AUTS2: variants seen among roughly 807,000 people sequenced by gnomAD.
AUTS2 encodes autism susceptibility gene 2 protein.
In AUTS2, 17 loss-of-function variants were observed where a neutral mutation model predicts 112.4. The ratio of observed to expected loss-of-function variants is 0.15; its 90% CI spans 0.10 to 0.23. The LOEUF (loss-of-function observed/expected upper bound fraction) is 0.23. AUTS2 is among the 10% of genes least tolerant of loss of function. AUTS2 has a pLI of 1.00. For missense variants in AUTS2, 1,510 were observed against 1,701.6 expected (o/e 0.89, Z 1.98); for synonymous variants, 751 against 702.7 (o/e 1.07, Z -1.09).
At chr7:70,752,315 T>G (rs1788918910) in intron 6 of AUTS2, among the ~76,000 whole-genome samples, 1 of 152,108 alleles carries the variant, frequency 6.6e-6, no homozygotes, top group Non-Finnish European at 1.5e-5. Flanking sequence ...AACCAATATT[T>G]GGAGTTTTCC....
intron 14 of AUTS2, among the ~76,000 whole-genome samples, chr7:70,780,893 A>G (rs906494772): frequency 2.1e-4 from 32 of 152,226 alleles, no homozygotes; most frequent in African/African-American, 6.0e-4. Context: ...TAAACAAACA[A>G]TTAATTTATA....
chr7:70,459,280 G>C (rs1038525291), intron 5 of AUTS2, among the ~76,000 whole-genome samples: 9 of 152,136 alleles, frequency 5.9e-5, no homozygotes, highest in African/African-American at 2.2e-4. Flanking sequence ...GATGTTTGCT[G>C]ACCATCCTTG....
chr7:70,754,120 C>T (rs1278994385), intron 6 of AUTS2, among the ~76,000 whole-genome samples: 3 of 152,046 alleles, frequency 2.0e-5, no homozygotes, highest in Admixed American at 2.0e-4. Context: ...GAGATCGCGC[C>T]GCTGCACTCC....
intron 5 of AUTS2, among the ~76,000 whole-genome samples, chr7:70,461,980 G>T (rs531720941): frequency 6.6e-6 from 1 of 152,202 alleles, no homozygotes; most frequent in Admixed American, 6.5e-5. Context: ...GGCCGTGTGC[G>T]CTGGCTAATG....
intron 5 of AUTS2, among the ~76,000 whole-genome samples, chr7:70,451,047 A>C (rs2131063159): frequency 6.6e-6 from 1 of 152,280 alleles, no homozygotes; most frequent in South Asian, 2.1e-4. Flanking sequence ...GAGTGATCCC[A>C]ATTTTAGTTC....
At chr7:70,391,405 T>C (rs1157114268) in intron 4 of AUTS2, among the ~76,000 whole-genome samples, 1 of 152,222 alleles carries the variant, frequency 6.6e-6, no homozygotes, top group Non-Finnish European at 1.5e-5. Flanking sequence ...ATTTGAATGT[T>C]GAATTAATGA....
intron 5 of AUTS2, among the ~76,000 whole-genome samples, chr7:70,548,860 G>A (rs1800900657): frequency 6.6e-6 from 1 of 151,258 alleles, no homozygotes; most frequent in African/African-American, 2.4e-5. Flanking sequence ...TCTTTTTCAA[G>A]ATTGTTTTGG....
intron 4 of AUTS2, among the ~76,000 whole-genome samples, chr7:70,188,386 A>G (rs978749800): frequency 6.6e-5 from 10 of 152,198 alleles, no homozygotes; most frequent in Admixed American, 5.9e-4. Context: ...GTGGTCTGAG[A>G]TTAGGGAGAA....
chr7:70,057,954 G>A (rs1160246313), intron 2 of AUTS2, among the ~76,000 whole-genome samples: 28 of 152,130 alleles, frequency 1.8e-4, no homozygotes, highest in Non-Finnish European at 1.2e-4. Context: ...ACAGTGATAC[G>A]ACTATTATGT....
chr7:70,548,560 C>CTG (rs1800886455), intron 5 of AUTS2, among the ~76,000 whole-genome samples: 1 of 152,084 alleles, frequency 6.6e-6, no homozygotes, highest in Non-Finnish European at 1.5e-5. Flanking sequence ...ATCTATGTGG[C>CTG]TGAGGTACTT....
At chr7:70,085,119 C>T (rs921318019) in intron 2 of AUTS2, among the ~76,000 whole-genome samples, 1 of 152,130 alleles carries the variant, frequency 6.6e-6, no homozygotes, top group African/African-American at 2.4e-5. Flanking sequence ...TCAATCAATC[C>T]TCCTGCCTCA....
At chr7:70,507,507 G>A (rs1364737140) in intron 5 of AUTS2, among the ~76,000 whole-genome samples, 1 of 151,964 alleles carries the variant, frequency 6.6e-6, no homozygotes, top group Non-Finnish European at 1.5e-5. Flanking sequence ...TTAAAAAAAA[G>A]TAACTAAGGC....
intron 1 of AUTS2, among the ~76,000 whole-genome samples, chr7:69,681,364 G>A (rs1318677894): frequency 6.6e-6 from 1 of 152,204 alleles, no homozygotes; most frequent in Non-Finnish European, 1.5e-5. Context: ...CCATTTTGCA[G>A]TGTCACCAAC....
At chr7:70,729,852 T>TTGTATGTATGTATGTATGTA (rs56233310) in intron 6 of AUTS2, among the ~76,000 whole-genome samples, 3 of 148,750 alleles carry the variant, frequency 2.0e-5, no homozygotes, top group East Asian at 2.0e-4. Flanking sequence ...TGTTTGCCCA[T>TTGTATGTATGTATGTATGTA]TGTATGTATG....
chr7:70,693,927 C>T (rs913249041), intron 5 of AUTS2: 3 of 152,016 alleles, frequency 2.0e-5, no homozygotes, highest in Non-Finnish European at 4.4e-5. Context: ...CGCGCCTCCG[C>T]TGGGCCGACC....
At chr7:69,883,141 A>G (rs12698811) in intron 1 of AUTS2, among the ~76,000 whole-genome samples, 14,959 of 152,248 alleles carry the variant, frequency 0.098, 789 homozygotes, top group Admixed American at 0.12. Context: ...ACCGCCACCA[A>G]TAAAGAGTAG....
intron 2 of AUTS2, among the ~76,000 whole-genome samples, chr7:70,112,546 C>A (rs536234522): frequency 6.6e-6 from 1 of 152,020 alleles, no homozygotes; most frequent in Middle Eastern, 3.4e-3. Context: ...AGGCTCCCAC[C>A]TTCTTTTGCT....
intron 4 of AUTS2, among the ~76,000 whole-genome samples, chr7:70,330,769 T>A (rs1268047368): frequency 6.6e-6 from 1 of 152,200 alleles, no homozygotes; most frequent in East Asian, 1.9e-4. Context: ...AGGGTGTCCG[T>A]CTATTTATTC....
At chr7:70,557,759 G>C (rs150605217) in intron 5 of AUTS2, among the ~76,000 whole-genome samples, 2 of 152,200 alleles carry the variant, frequency 1.3e-5, no homozygotes, top group African/African-American at 2.4e-5. Flanking sequence ...GGAGCAGTCA[G>C]ATCTGATGCT....
Sources: gnomAD v4.1 joint callset for allele counts (sites outside exome capture counted in the v4.1 genomes callset) on GRCh38, gnomAD v4.1.1 for gene constraint, MANE v1.5 for transcripts, NCBI Gene and HGNC (gene_info 2026-07-23, HGNC 2026-07-21) for gene names.